Variants in NFU1 observed in about 807,000 individuals in gnomAD.
The protein encoded by NFU1 is NFU1 iron-sulfur cluster scaffold homolog, mitochondrial.
A neutral mutation model predicts 32.2 loss-of-function variants in NFU1; 30 were observed. That is an observed-to-expected ratio of 0.93 (90% CI 0.70 to 1.26). The LOEUF (loss-of-function observed/expected upper bound fraction) is 1.26. NFU1 is among the 50% of genes most tolerant of loss of function. The pLI is 0.00. For missense variants in NFU1, 306 were observed against 306.6 expected (o/e 1.00, Z 0.02); for synonymous variants, 112 against 104.6 (o/e 1.07, Z -0.43).
intron 2 of NFU1, 23 bp from the exon 3 acceptor site, chr2:69,423,740 T>C: frequency 1.3e-6 from 2 of 1,544,120 alleles, no homozygotes; most frequent in Non-Finnish European, 1.8e-6. Flanking sequence ...AAGAAGAAAA[T>C]GTTATTCTAG....
intron 3 of NFU1, among the ~76,000 whole-genome samples, chr2:69,420,763 T>C (rs559084289): frequency 6.6e-6 from 1 of 152,256 alleles, no homozygotes; most frequent in Non-Finnish European, 1.5e-5. Flanking sequence ...GGGTTTTATG[T>C]AATAAAATAA....
intron 1 of NFU1, among the ~76,000 whole-genome samples, chr2:69,435,477 T>G (rs1223376220): frequency 6.6e-6 from 1 of 152,084 alleles, no homozygotes; most frequent in South Asian, 2.1e-4. Context: ...AAAGAAAGAG[T>G]GGGCACCAAT....
At chr2:69,418,338 T>G (rs1215084701) in intron 4 of NFU1, among the ~76,000 whole-genome samples, 9 of 152,170 alleles carry the variant, frequency 5.9e-5, no homozygotes, top group Non-Finnish European at 1.5e-5. Context: ...AGGCTTAGGC[T>G]GCAGTGAGCT....
intron 5 of NFU1, among the ~76,000 whole-genome samples, chr2:69,406,892 A>G (rs1285115803): frequency 1.3e-5 from 2 of 151,926 alleles, no homozygotes; most frequent in Non-Finnish European, 2.9e-5. Flanking sequence ...GGGGGTAGTT[A>G]CCCTCATGCT....
chr2:69,408,805 ATTATAT>A (rs1672787757), intron 5 of NFU1, among the ~76,000 whole-genome samples: 1 of 145,980 alleles, frequency 6.9e-6, no homozygotes, highest in Non-Finnish European at 1.5e-5. Flanking sequence ...TACTATTGCA[ATTATAT>A]TTATGAGATA....
intron 4 of NFU1, among the ~76,000 whole-genome samples, chr2:69,418,751 G>A (rs1673143570): frequency 2.0e-5 from 3 of 151,980 alleles, no homozygotes. Flanking sequence ...TTACAGGCGT[G>A]AGCCACCACA....
rs559728478 is a variant in NFU1, at chr2:69,410,713, C to T, written c.484+4472G>A. On this transcript the variant is annotated intron_variant, in intron 5 of 7. Coordinates refer to ENST00000410022, the MANE Select transcript of NFU1 (RefSeq NM_001002755.4). Reference sequence around the variant, plus strand: ...TATGATAACAAAACCTATATAGTACCTAGAACTAACATGAGCTCATACCAA... The same window carrying T: ...TATGATAACAAAACCTATATAGTACTTAGAACTAACATGAGCTCATACCAA... The T allele has an allele frequency of 2.0e-5, 3 of 152,102 alleles. No individual in the cohort carries two copies. The South Asian group carries it at 6.2e-4, about 32-fold the overall frequency. 9.4% of individuals were successfully genotyped at this position (152,102 alleles called of 1,614,324 possible). A position where few individuals can be genotyped will look rare whatever the true frequency, so the allele number is the denominator to read the frequency against.
chr2:69,397,822 G>T (rs1363105792), intron 7 of NFU1, among the ~76,000 whole-genome samples: 1 of 150,784 alleles, frequency 6.6e-6, no homozygotes, highest in Non-Finnish European at 1.5e-5. Flanking sequence ...GCTAAGGCAG[G>T]AGAATCATTT....
chr2:69,416,372 T>A (rs1673054467), intron 4 of NFU1, among the ~76,000 whole-genome samples: 1 of 130,810 alleles, frequency 7.6e-6, no homozygotes, highest in Admixed American at 7.1e-5. Flanking sequence ...ATATTAGTAA[T>A]AATATTATTA....
upstream of NFU1, among the ~76,000 whole-genome samples, chr2:69,439,508 A>T (rs1673991915): frequency 6.6e-6 from 1 of 152,188 alleles, no homozygotes; most frequent in African/African-American, 2.4e-5. Context: ...ATCAAGATTT[A>T]CTACAAAGAG....
At chr2:69,437,126 G>C in intron 1 of NFU1, 1 of 821,494 alleles carries the variant, frequency 1.2e-6, no homozygotes, top group African/African-American at 1.7e-5. Context: ...TCAAGAACTG[G>C]GTCTCTGAGC....
At chr2:69,410,746 A>C (rs1672852869) in intron 5 of NFU1, 1 of 152,244 alleles carries the variant, frequency 6.6e-6, no homozygotes. Context: ...CAAGAAAAGA[A>C]CATAAGAGAA....
intron 7 of NFU1, among the ~76,000 whole-genome samples, chr2:69,397,230 C>T (rs1179460389): frequency 6.6e-6 from 1 of 151,352 alleles, no homozygotes; most frequent in Non-Finnish European, 1.5e-5. Flanking sequence ...AAAATGAATC[C>T]CCAAGGAAAG....
Position 69,437,426 on chromosome 2 carries a change from A to T in NFU1, c.-4T>A, listed in dbSNP as rs374583130. On this transcript the variant is annotated 5_prime_UTR_variant, in exon 1 of 8. Coordinates refer to ENST00000410022, the MANE Select transcript of NFU1 (RefSeq NM_001002755.4). ...CCCGCCTGGCCGTCGCCGCCATCTT[A>T]GTCCGGAGTGCCTAAGGGTCTCCCT... 8 of 1,610,554 alleles carry T rather than the reference A, an allele frequency of 5.0e-6. No homozygotes were observed. The highest frequency in any genetic ancestry group is 1.6e-4 in the Middle Eastern group (1 of 6,070).
chr2:69,437,223 C>G, intron 1 of NFU1, 138 bp downstream of exon 1: 2 of 1,471,608 alleles, frequency 1.4e-6, no homozygotes, highest in Non-Finnish European at 1.8e-6. Context: ...TCACCCCCAA[C>G]TACGGCGACA....
At position 69,400,551 on chromosome 2, in the gene NFU1, A is replaced by C. The variant is rs780821118; in HGVS notation, c.546-13T>G. Reference sequence around the variant, plus strand: ...CTGCACAGTTGGCCTGTGAGGTCAAAGAATATTTATGACATATTCTTTAAA... The same window carrying C: ...CTGCACAGTTGGCCTGTGAGGTCAACGAATATTTATGACATATTCTTTAAA... On this transcript the variant is annotated splice_polypyrimidine_tract_variant and intron_variant, in intron 6 of 7. Transcript: ENST00000410022. 6.2e-7 allele frequency: 1 copy of C among 1,612,234 alleles called. No individual in the cohort carries two copies. The highest frequency in any genetic ancestry group is 8.5e-7 in the Non-Finnish European group (1 of 1,178,370).
chr2:69,415,100 T>C, intron 5 of NFU1, 85 bp downstream of exon 5: 3 of 746,462 alleles, frequency 4.0e-6, no homozygotes, highest in Non-Finnish European at 7.1e-6. Flanking sequence ...TAGATTCCTA[T>C]GACTTCTGAA....
chr2:69,420,842 A>C (rs1325157507), intron 3 of NFU1, among the ~76,000 whole-genome samples: 1 of 152,228 alleles, frequency 6.6e-6, no homozygotes, highest in Non-Finnish European at 1.5e-5. Flanking sequence ...GGGTGAAAAA[A>C]TAGTGAAAAC....
intron 4 of NFU1, among the ~76,000 whole-genome samples, chr2:69,419,217 G>A (rs1031820628): frequency 1.0e-5 from 1 of 95,344 alleles, no homozygotes; most frequent in Admixed American, 9.0e-5. Context: ...AGGGTGGCGG[G>A]GGGGGGCGCC....
Sources: gnomAD v4.1 joint callset for allele counts (sites outside exome capture counted in the v4.1 genomes callset) on GRCh38, gnomAD v4.1.1 for gene constraint, MANE v1.5 for transcripts, NCBI Gene and HGNC (gene_info 2026-07-23, HGNC 2026-07-21) for gene names.